SYN1: variants seen among roughly 807,000 people sequenced by gnomAD.
SYN1 encodes the protein synapsin I.
A neutral mutation model predicts 44.6 loss-of-function variants in SYN1; 8 were observed. The ratio of observed to expected loss-of-function variants is 0.18; its 90% CI spans 0.11 to 0.32. The LOEUF is 0.32. Among genes scored for constraint, SYN1 ranks in the 10% least tolerant of loss-of-function variants. The pLI is 1.00. For synonymous variants in SYN1, 275 were observed against 280.1 expected (o/e 0.98, Z 0.18); for missense variants, 451 against 639.4 (o/e 0.71, Z 3.18).
At chrX:47,585,313 G>A (rs1203645563) in intron 5 of SYN1, 4 of 1,211,864 alleles carry the variant, frequency 3.3e-6, no homozygotes, top group Non-Finnish European at 3.4e-6. Flanking sequence ...CAACCGCAGC[G>A]AGGAGTTTCT....
chrX:47,594,109 C>G (rs1569328151), intron 5 of SYN1, among the ~76,000 whole-genome samples: 1 of 110,288 alleles, frequency 9.1e-6, no homozygotes. Context: ...TGGCACGCAC[C>G]TGTGGCCCCA....
At chrX:47,585,784 C>T in intron 5 of SYN1, 1 of 1,160,926 alleles carries the variant, frequency 8.6e-7, no homozygotes, top group Non-Finnish European at 1.1e-6. Flanking sequence ...GCTCCCCAAC[C>T]CTAAGGGCTG....
chrX:47,589,113 A>C (rs771578432), intron 5 of SYN1, among the ~76,000 whole-genome samples: 7 of 108,547 alleles, frequency 6.4e-5, no homozygotes, highest in African/African-American at 2.4e-4. Context: ...GAGCCTGGCC[A>C]ACATGGTTTC....
At chrX:47,579,050 A>G (rs1456909132) in intron 5 of SYN1, among the ~76,000 whole-genome samples, 1 of 111,454 alleles carries the variant, frequency 9.0e-6, no homozygotes, top group Non-Finnish European at 1.9e-5. Flanking sequence ...TGCATAATGC[A>G]CTCAGTTACA....
intron 1 of SYN1, among the ~76,000 whole-genome samples, chrX:47,614,906 G>T (rs1329185462): frequency 1.8e-5 from 2 of 111,662 alleles, no homozygotes; most frequent in East Asian, 2.8e-4. Context: ...ATTGGCCGAG[G>T]CCTCTTTTGT....
intron 5 of SYN1, among the ~76,000 whole-genome samples, chrX:47,580,962 G>A (rs2057796236): frequency 9.0e-6 from 1 of 111,318 alleles, no homozygotes. Context: ...AGAGGGTACA[G>A]CTGCAGTTTT....
chrX:47,581,676 C>T (rs1019309153), intron 5 of SYN1, among the ~76,000 whole-genome samples: 3 of 112,096 alleles, frequency 2.7e-5, no homozygotes, highest in East Asian at 5.6e-4. Flanking sequence ...ATCCGTAAAA[C>T]GGGAATAAGA....
chrX:47,593,524 C>G (rs2057854853), intron 5 of SYN1, among the ~76,000 whole-genome samples: 1 of 111,637 alleles, frequency 9.0e-6, no homozygotes, highest in Non-Finnish European at 1.9e-5. Context: ...CTGCCCTGGC[C>G]TCCCAACATG....
At chrX:47,607,805 G>C (rs925776554) in intron 1 of SYN1, among the ~76,000 whole-genome samples, 1 of 110,281 alleles carries the variant, frequency 9.1e-6, no homozygotes, top group African/African-American at 3.3e-5. Flanking sequence ...GCCAAGGCGG[G>C]TGGATCACCT....
Position 47,574,138 on chromosome X carries a change from G to A in SYN1, c.1846C>T (p.Pro616Ser). Residue 616 changes from proline (P) to serine (S), a missense_variant, in exon 12 of 13, where the codon CCC becomes TCC. By Grantham distance (74) the Pro-to-Ser change is moderately conservative. This residue lies in a region of SYN1 where 127 missense variants were observed against 154.8 expected (regional missense o/e 0.82). Transcript: ENST00000295987. ...QAGPVPRTGP[P>S]TTQQPRPSGP... is the part of the protein sequence containing the mutation. ...CTGGGCCGAGGCTGCTGCGTGGTGG[G>A]TGGCCCAGTGCGGGGCACGGGACCC... The A allele has an allele frequency of 8.3e-6, 9 of 1,084,617 alleles. No individual in the cohort carries two copies. The highest frequency in any genetic ancestry group is 1.1e-5 in the Non-Finnish European group (9 of 839,398). The allele number at this position is 1,084,617 out of a possible 1,213,427, so 89.4% of individuals were successfully genotyped here. A position where few individuals can be genotyped will look rare whatever the true frequency, so the allele number is the denominator to read the frequency against.
At position 47,572,101 on chromosome X, in the gene SYN1, G is replaced by C. The variant is rs940203026; in HGVS notation, c.*763C>G. Reference sequence around the variant, plus strand: ...CAAGCACGGCACAAAAGGAGGCCACGTCAGTCACAGACACAGACACCACAG... The same window carrying C: ...CAAGCACGGCACAAAAGGAGGCCACCTCAGTCACAGACACAGACACCACAG... On this transcript the variant is annotated 3_prime_UTR_variant, in exon 13 of 13. Coordinates refer to ENST00000295987, the MANE Select transcript of SYN1 (RefSeq NM_006950.3). 7 of 129,167 alleles carry C rather than the reference G, an allele frequency of 5.4e-5. No individual in the cohort carries two copies. Among genetic ancestry groups the C allele is most frequent in the Non-Finnish European group, 9.5e-5 (6 of 63,426 alleles). The allele number at this position is 129,167 out of a possible 1,213,427, so 10.6% of individuals were successfully genotyped here. A position where few individuals can be genotyped will look rare whatever the true frequency, so the allele number is the denominator to read the frequency against.
intron 5 of SYN1, chrX:47,585,405 G>A (rs753915521): frequency 1.1e-5 from 13 of 1,199,333 alleles, no homozygotes; most frequent in East Asian, 3.0e-5. Context: ...ACGAGGGGGC[G>A]AGGCTCTGAT....
chrX:47,612,976 T>C lies in SYN1; in HGVS notation c.378-5778A>G, dbSNP rs1034310971. ...GGTGAAACCCCATCTCTACTAAAAA[T>C]ACAAAAATTAGCCGGGCGTGGTGGC... On this transcript the variant is annotated intron_variant, in intron 1 of 12. Coordinates refer to ENST00000295987, the MANE Select transcript of SYN1 (RefSeq NM_006950.3). Among the ~76,000 whole-genome samples the C allele has an allele frequency of 3.7e-5, 4 of 109,323 alleles. No individual in the cohort carries two copies. The Admixed American group carries it at 3.9e-4, about 11-fold the overall frequency. 94.9% of individuals were successfully genotyped at this position (109,323 alleles called of 115,157 possible).
At chrX:47,605,184 G>C in intron 4 of SYN1, 39 bp downstream of exon 4, 9 of 1,206,809 alleles carry the variant, frequency 7.5e-6, no homozygotes, top group Non-Finnish European at 1.0e-5. Flanking sequence ...ACATGCATGA[G>C]CTGTTCCCTC....
intron 5 of SYN1, among the ~76,000 whole-genome samples, chrX:47,595,787 G>C (rs2057862053): frequency 9.0e-6 from 1 of 111,380 alleles, no homozygotes; most frequent in Non-Finnish European, 1.9e-5. Context: ...GCTGGGGCCG[G>C]GAAAGAACAA....
chrX:47,618,563 G>A (rs1160623035), intron 1 of SYN1, among the ~76,000 whole-genome samples: 2 of 111,529 alleles, frequency 1.8e-5, no homozygotes, highest in East Asian at 2.8e-4. Context: ...GGAGGAAAAT[G>A]ATTTGTTTGA....
At position 47,605,223 on chromosome X, in the gene SYN1, C is replaced by G; in HGVS notation, c.684G>C (p.Val228=). ...SVYNFCDKPW[V]FAQMVRLHKK... ...CAGTGGCACCCTTCCTGTTACTTAC[C>G]ACCCAGGGCTTGTCACAGAAGTTGT... Residue 228 remains valine, a splice_region_variant and synonymous_variant, in exon 4 of 13, where the codon GTG becomes GTC. Coordinates refer to ENST00000295987, the MANE Select transcript of SYN1 (RefSeq NM_006950.3). 1 of 1,208,899 alleles carries G rather than the reference C, an allele frequency of 8.3e-7. No homozygotes were observed. The highest frequency in any genetic ancestry group is 1.1e-6 in the Non-Finnish European group (1 of 894,030).
intron 5 of SYN1, among the ~76,000 whole-genome samples, chrX:47,601,632 C>T (rs2057879936): frequency 1.8e-5 from 2 of 111,615 alleles, no homozygotes; most frequent in East Asian, 5.6e-4. Context: ...ACAAAATCTT[C>T]CCAAAAATAG....
chrX:47,574,984 G>A lies in SYN1; in HGVS notation c.1305+144C>T. 4.3e-6 allele frequency: 4 copies of A among 926,933 alleles called. No homozygotes were observed. In the South Asian group the frequency reaches 8.8e-5, roughly 20 times the overall value. The allele number at this position is 926,933 out of a possible 1,213,427, so 76.4% of individuals were successfully genotyped here. On this transcript the variant is annotated intron_variant, in intron 10 of 12. Transcript: ENST00000295987. The stretch of plus-strand genomic sequence containing the variant: ...GTCAGGGCAGCAGCTGCTTATCAAT[G>A]TTTTAAACAATTGGCAATCGCAGCC...
Sources: allele counts gnomAD v4.1 joint callset (sites outside exome capture counted in the v4.1 genomes callset), GRCh38; gene constraint gnomAD v4.1.1; regional missense constraint gnomAD v4.1.1; transcripts MANE v1.5; gene names NCBI Gene and HGNC (gene_info 2026-07-23, HGNC 2026-07-21).